Variants in PCDH15 observed in about 807,000 individuals in gnomAD.
The protein encoded by PCDH15 is protocadherin-15.
In PCDH15, 129 loss-of-function variants were observed where a neutral mutation model predicts 178.5. The ratio of observed to expected loss-of-function variants is 0.72; its 90% confidence interval spans 0.63 to 0.84. The LOEUF is 0.84. Ranked by LOEUF, PCDH15 falls within the 40% of genes least tolerant of loss-of-function variation. The probability of loss-of-function intolerance (pLI) is 0.00; values close to 1 mark genes in which losing one functional copy is unlikely to be tolerated. For synonymous variants in PCDH15, 800 were observed against 732.0 expected, an observed-to-expected ratio of 1.09 and a Z score of -1.50; for missense variants, 2,230 against 2,099.9, an observed-to-expected ratio of 1.06 and a Z score of -1.21.
intron 18 of PCDH15, among the ~76,000 whole-genome samples, chr10:54,060,318 G>A (rs1387984498): frequency 6.6e-6 from 1 of 152,082 alleles, no homozygotes; most frequent in Non-Finnish European, 1.5e-5. Flanking sequence ...CCATTAAAAT[G>A]TTCTCTAAAT....
intron 1 of PCDH15, among the ~76,000 whole-genome samples, chr10:55,195,742 T>C (rs2132152158): frequency 6.6e-6 from 1 of 151,990 alleles, no homozygotes; most frequent in East Asian, 1.9e-4. Flanking sequence ...TCAAATAAAG[T>C]ATTTCTGTGA....
chr10:54,592,248 G>A (rs543909340), intron 2 of PCDH15, among the ~76,000 whole-genome samples: 99 of 152,080 alleles, frequency 6.5e-4, no homozygotes, highest in Non-Finnish European at 1.1e-3. Flanking sequence ...TAGAGCTCAC[G>A]TTTCCTTGAG....
chr10:53,825,173 T>A (rs2076594844), intron 32 of PCDH15: 1 of 1,523,458 alleles, frequency 6.6e-7, no homozygotes, highest in Non-Finnish European at 8.8e-7. Context: ...ACAGAAAACA[T>A]GTGATAGAAA....
intron 28 of PCDH15, among the ~76,000 whole-genome samples, chr10:53,840,985 G>A (rs955507382): frequency 7.2e-5 from 11 of 152,156 alleles, no homozygotes; most frequent in African/African-American, 2.7e-4. Flanking sequence ...TCACAGCAAC[G>A]GGAGAATGTG....
At position 54,140,455 on chromosome 10, in the gene PCDH15, A is replaced by T. The variant is rs576948519; in HGVS notation, c.1785-7448T>A. 3.2e-4 allele frequency among the ~76,000 whole-genome samples: 49 copies of T among 151,296 alleles called. 1 individual carries two copies. The highest frequency in any genetic ancestry group is 1.0e-3 in the African/African-American group (43 of 41,298). On this transcript the variant is annotated intron_variant, in intron 14 of 37. Coordinates refer to ENST00000644397, the MANE Select transcript of PCDH15 (RefSeq NM_001384140.1). ...GAGTAGAAGATAAATTGAGGGTTGGACTACTGTTTATTTCTGCTTTTTTTT... is the reference window on the plus strand; with the variant it reads ...GAGTAGAAGATAAATTGAGGGTTGGTCTACTGTTTATTTCTGCTTTTTTTT...
At chr10:55,510,732 C>T (rs1298176175) in intron 2 of PCDH15, among the ~76,000 whole-genome samples, 4 of 151,560 alleles carry the variant, frequency 2.6e-5, no homozygotes, top group Non-Finnish European at 4.4e-5. Context: ...AACTAATTAT[C>T]CTCCTTGTAT....
intron 3 of PCDH15, among the ~76,000 whole-genome samples, chr10:54,888,687 A>T (rs1312857747): frequency 6.6e-6 from 1 of 151,256 alleles, no homozygotes; most frequent in Non-Finnish European, 1.5e-5. Context: ...GTGGTATATC[A>T]TTGTGGTTTT....
At chr10:54,785,203 C>T (rs368780591) in intron 1 of PCDH15, among the ~76,000 whole-genome samples, 1 of 151,714 alleles carries the variant, frequency 6.6e-6, no homozygotes, top group Non-Finnish European at 1.5e-5. Flanking sequence ...TGTTCTCAAA[C>T]TTTTGGTGAT....
chr10:54,803,354 T>C (rs1952722717), upstream of PCDH15, among the ~76,000 whole-genome samples: 1 of 152,198 alleles, frequency 6.6e-6, no homozygotes, highest in African/African-American at 2.4e-5. Context: ...TTTTAATATA[T>C]TTGTAGAATC....
intron 4 of PCDH15, among the ~76,000 whole-genome samples, chr10:54,374,424 C>A (rs562448270): frequency 6.6e-6 from 1 of 152,130 alleles, no homozygotes; most frequent in African/African-American, 2.4e-5. Context: ...TAGGACTGTA[C>A]CAGAGTCATA....
At chr10:54,603,965 T>G (rs1447131693) in intron 2 of PCDH15, among the ~76,000 whole-genome samples, 2 of 152,050 alleles carry the variant, frequency 1.3e-5, no homozygotes, top group East Asian at 3.9e-4. Flanking sequence ...CTCACAACTG[T>G]TGGTATGTTT....
intron 3 of PCDH15, among the ~76,000 whole-genome samples, chr10:54,463,510 A>G (rs957867948): frequency 4.6e-5 from 7 of 152,256 alleles, no homozygotes; most frequent in African/African-American, 7.2e-5. Flanking sequence ...CTAAGCCCCT[A>G]AATGTATTAA....
intron 14 of PCDH15, among the ~76,000 whole-genome samples, chr10:54,142,587 C>T (rs1031559854): frequency 1.3e-5 from 2 of 152,036 alleles, no homozygotes; most frequent in African/African-American, 4.8e-5. Context: ...AGTGTCTGGG[C>T]CTATGTGTCA....
chr10:54,608,412 G>A (rs1032471035), intron 2 of PCDH15, among the ~76,000 whole-genome samples: 6 of 152,006 alleles, frequency 3.9e-5, no homozygotes, highest in South Asian at 2.1e-4. Context: ...TTTGAGACCC[G>A]CCTGGGCAGT....
intron 35 of PCDH15, among the ~76,000 whole-genome samples, chr10:53,813,570 T>C (rs2075955121): frequency 6.6e-6 from 1 of 152,204 alleles, no homozygotes; most frequent in Admixed American, 6.5e-5. Flanking sequence ...CTAAATTAAA[T>C]ATAACCATTT....
chr10:54,517,459 AAAG>A (rs2082353086), intron 3 of PCDH15, among the ~76,000 whole-genome samples: 1 of 152,156 alleles, frequency 6.6e-6, no homozygotes, highest in Admixed American at 6.5e-5. Flanking sequence ...CAAAAGAGAC[AAAG>A]AAGGCCATTA....
intron 26 of PCDH15, among the ~76,000 whole-genome samples, chr10:53,870,678 C>T (rs1254340317): frequency 1.3e-5 from 2 of 152,058 alleles, no homozygotes; most frequent in Non-Finnish European, 2.9e-5. Context: ...TTTTAGTCTC[C>T]CCAATTTATA....
chr10:54,690,892 G>A (rs2095109395), intron 1 of PCDH15, among the ~76,000 whole-genome samples: 1 of 151,982 alleles, frequency 6.6e-6, no homozygotes, highest in African/African-American at 2.4e-5. Flanking sequence ...TGAGCAAAAT[G>A]TCCAATTTTT....
chr10:54,309,107 A>T (rs1375406654), intron 8 of PCDH15, among the ~76,000 whole-genome samples: 1 of 152,038 alleles, frequency 6.6e-6, no homozygotes, highest in African/African-American at 2.4e-5. Flanking sequence ...TGGCCAAGGG[A>T]CTCAGTGAGG....
Sources: gnomAD v4.1 joint callset for allele counts (sites outside exome capture counted in the v4.1 genomes callset) on GRCh38, gnomAD v4.1.1 for gene constraint, MANE v1.5 for transcripts, NCBI Gene and HGNC (gene_info 2026-07-23, HGNC 2026-07-21) for gene names.